The following CRYBG1 variants were observed in gnomAD, a reference collection of about 807,000 sequenced individuals.
The protein encoded by CRYBG1 is crystallin beta-gamma domain containing 1.
CRYBG1 carries 139 observed loss-of-function variants against 189.2 expected under a neutral mutation model. The ratio of observed to expected loss-of-function variants is 0.73; its 90% CI spans 0.64 to 0.85. The LOEUF is 0.85. Ranked by LOEUF, CRYBG1 falls within the 40% of genes least tolerant of loss-of-function variation. The probability of loss-of-function intolerance (pLI) is 0.00; values close to 1 mark genes in which losing one functional copy is unlikely to be tolerated. For missense variants in CRYBG1, 2,611 were observed against 2,675.8 expected, an observed-to-expected ratio of 0.98 and a Z score of 0.53; for synonymous variants, 1,023 against 1,017.1, an observed-to-expected ratio of 1.01 and a Z score of -0.11.
chr6:106,365,279 T>C (rs920864349), intron 1 of CRYBG1, among the ~76,000 whole-genome samples: 3 of 151,916 alleles, frequency 2.0e-5, no homozygotes, highest in African/African-American at 7.2e-5. Context: ...TACAAAAAAT[T>C]AGCCAGGGGT....
intron 2 of CRYBG1, among the ~76,000 whole-genome samples, 194 bp downstream of exon 2, chr6:106,452,026 A>T (rs1301857021): frequency 6.8e-6 from 1 of 147,886 alleles, no homozygotes; most frequent in Admixed American, 6.8e-5. Context: ...TATATTTAAC[A>T]ATATAATAAT....
At chr6:106,561,046 T>C in intron 19 of CRYBG1, 120 bp downstream of exon 19, 1 of 1,142,180 alleles carries the variant, frequency 8.8e-7, no homozygotes. Context: ...CCCTATAAAC[T>C]CCTTCCCTGC....
At chr6:106,417,655 C>T (rs567341217) in intron 1 of CRYBG1, among the ~76,000 whole-genome samples, 6 of 152,370 alleles carry the variant, frequency 3.9e-5, no homozygotes, top group South Asian at 4.1e-4. Context: ...TTGCTGGACT[C>T]GCAGCAGGTG....
Position 106,570,897 on chromosome 6 carries a change from A to AAGTT in CRYBG1, c.*2333_*2336dup, listed in dbSNP as rs1775040603. 1 of 152,218 alleles carries AAGTT rather than the reference A, an allele frequency of 6.6e-6. No individual in the cohort carries two copies. The highest frequency in any genetic ancestry group is 2.4e-5 in the African/African-American group (1 of 41,454). The allele number at this position is 152,218 out of a possible 1,614,324, so 9.4% of individuals were successfully genotyped here. On this transcript the variant is annotated 3_prime_UTR_variant, in exon 22 of 22. Coordinates refer to ENST00000633556, the MANE Select transcript of CRYBG1 (RefSeq NM_001371242.2). The stretch of plus-strand genomic sequence containing the variant: ...AAATCTCAAAACAGGTCTACATCAA[A>AAGTT]AGTTACAAGCAAGCATATCAGGTGC...
Position 106,555,893 on chromosome 6 carries a change from ATGT to A in CRYBG1, c.5715_5715+2del. 6.2e-7 allele frequency: 1 copy of A among 1,614,116 alleles called. No individual in the cohort carries two copies. The highest frequency in any genetic ancestry group is 1.1e-5 in the South Asian group (1 of 91,082). Reference sequence around the variant, plus strand: ...ACTTTCAAGTCTCTTCGTTTTATAGATGTTGTAAGTATGTCATTGTGAATAGTG... The same window carrying A: ...ACTTTCAAGTCTCTTCGTTTTATAGATGTAAGTATGTCATTGTGAATAGTG... On this transcript the variant is annotated inframe_deletion and splice_region_variant, in exon 17 of 22. Transcript: ENST00000633556.
At chr6:106,521,527 T>A in intron 4 of CRYBG1, 74 bp downstream of exon 4, 1 of 1,426,346 alleles carries the variant, frequency 7.0e-7, no homozygotes, top group Non-Finnish European at 9.4e-7. Context: ...GAGCAACTCA[T>A]GTTATTCTTT....
intron 1 of CRYBG1, among the ~76,000 whole-genome samples, chr6:106,429,877 A>G (rs1052909118): frequency 6.6e-6 from 1 of 152,246 alleles, no homozygotes; most frequent in African/African-American, 2.4e-5. Context: ...AGTTATTACT[A>G]TTAAACTAAA....
intron 1 of CRYBG1, among the ~76,000 whole-genome samples, chr6:106,388,544 T>A (rs748863009): frequency 6.6e-6 from 1 of 152,210 alleles, no homozygotes; most frequent in African/African-American, 2.4e-5. Context: ...TGTAATTTTA[T>A]GTGTGTTAAA....
chr6:106,404,852 A>G (rs1052986936), intron 1 of CRYBG1, among the ~76,000 whole-genome samples: 75 of 152,286 alleles, frequency 4.9e-4, no homozygotes, highest in African/African-American at 1.8e-3. Flanking sequence ...ACTCTGGCCC[A>G]GGTACTACAC....
intron 1 of CRYBG1, among the ~76,000 whole-genome samples, chr6:106,412,681 T>C (rs1770950976): frequency 6.6e-6 from 1 of 152,224 alleles, no homozygotes; most frequent in African/African-American, 2.4e-5. Context: ...TCTGTCTTTG[T>C]TGACATTGTC....
intron 2 of CRYBG1, among the ~76,000 whole-genome samples, chr6:106,491,297 A>G (rs1772716889): frequency 6.6e-6 from 1 of 152,202 alleles, no homozygotes; most frequent in South Asian, 2.1e-4. Context: ...GAAGGCAGGT[A>G]GATGTGTCTT....
At chr6:106,491,793 C>T (rs982921683) in intron 2 of CRYBG1, among the ~76,000 whole-genome samples, 2 of 152,188 alleles carry the variant, frequency 1.3e-5, no homozygotes, top group South Asian at 2.1e-4. Context: ...CATGTCGCCT[C>T]CCCGCTCAGA....
At chr6:106,446,063 C>T (rs1262922179) in intron 1 of CRYBG1, among the ~76,000 whole-genome samples, 3 of 152,162 alleles carry the variant, frequency 2.0e-5, no homozygotes, top group African/African-American at 4.8e-5. Flanking sequence ...AATGTCTCTT[C>T]AAATCTGCAA....
chr6:106,416,022 C>T (rs947873740), intron 1 of CRYBG1, among the ~76,000 whole-genome samples: 11 of 152,156 alleles, frequency 7.2e-5, no homozygotes, highest in Non-Finnish European at 1.2e-4. Context: ...GCCAGCTTTG[C>T]GGTGCCCATC....
intron 8 of CRYBG1, among the ~76,000 whole-genome samples, chr6:106,531,158 A>G (rs1773869222): frequency 6.6e-6 from 1 of 152,218 alleles, no homozygotes; most frequent in African/African-American, 2.4e-5. Flanking sequence ...GCACTCCTTA[A>G]TCATGCTTTT....
At chr6:106,384,088 G>A (rs1165011655) in intron 1 of CRYBG1, among the ~76,000 whole-genome samples, 2 of 152,232 alleles carry the variant, frequency 1.3e-5, no homozygotes, top group East Asian at 1.9e-4. Context: ...CTCTATTGAG[G>A]AGCAGCTTGC....
At chr6:106,467,482 A>G (rs895313124) in intron 2 of CRYBG1, among the ~76,000 whole-genome samples, 1 of 152,142 alleles carries the variant, frequency 6.6e-6, no homozygotes, top group African/African-American at 2.4e-5. Context: ...AAAGAAAAGA[A>G]AAAAGAAAAG....
intron 1 of CRYBG1, among the ~76,000 whole-genome samples, chr6:106,383,997 A>G (rs7758945): frequency 0.48 from 72,930 of 152,098 alleles, 17,819 homozygotes; most frequent in African/African-American, 0.56. Context: ...TTTCTAACAA[A>G]GCAAGTCTTC....
At chr6:106,379,105 C>T (rs1222703040) in intron 1 of CRYBG1, among the ~76,000 whole-genome samples, 12 of 152,008 alleles carry the variant, frequency 7.9e-5, no homozygotes, top group Non-Finnish European at 1.5e-4. Context: ...GTTGAGATCG[C>T]GCCACTGCAT....
Sources: allele counts gnomAD v4.1 joint callset (sites outside exome capture counted in the v4.1 genomes callset), GRCh38; gene constraint gnomAD v4.1.1; transcripts MANE v1.5; gene names NCBI Gene and HGNC (gene_info 2026-07-23, HGNC 2026-07-21).